ACOT11: variants seen among roughly 807,000 people sequenced by gnomAD.
The protein encoded by ACOT11 is acyl-coenzyme A thioesterase 11.
ACOT11 carries 69 observed loss-of-function variants against 77.5 expected under a neutral mutation model. The observed-to-expected ratio is 0.89, with a 90% confidence interval of 0.73 to 1.09. The LOEUF (loss-of-function observed/expected upper bound fraction) is 1.09. ACOT11 is among the 50% of genes least tolerant of loss of function. The pLI, the probability that ACOT11 is intolerant of heterozygous loss-of-function variation, is 0.00. For synonymous variants in ACOT11, 279 were observed against 313.0 expected (o/e 0.89, Z 1.15); for missense variants, 766 against 813.7 (o/e 0.94, Z 0.71).
chr1:54,562,338 C>T (rs1248129668), intron 1 of ACOT11, among the ~76,000 whole-genome samples: 50 of 96,704 alleles, frequency 5.2e-4, no homozygotes, highest in African/African-American at 2.1e-3. Flanking sequence ...ATCTCCCTCC[C>T]GGACGGGGTG....
exon 17 of ACOT11, chr1:54,638,465 C>T (rs1183589164): frequency 1.3e-5 from 2 of 152,212 alleles, no homozygotes; most frequent in Non-Finnish European, 2.9e-5. Flanking sequence ...TCAGGCAATT[C>T]TTGTGTCTCA....
intron 8 of ACOT11, 52 bp downstream of exon 8, chr1:54,599,467 C>T (rs1300347402): frequency 8.0e-6 from 12 of 1,496,134 alleles, no homozygotes; most frequent in Admixed American, 1.8e-5. Flanking sequence ...GAGGGCTCTT[C>T]CTGACCCTAG....
chr1:54,587,248 C>G (rs1013758748), intron 3 of ACOT11, among the ~76,000 whole-genome samples: 2 of 152,104 alleles, frequency 1.3e-5, no homozygotes, highest in Non-Finnish European at 2.9e-5. Context: ...GGCATGGTAG[C>G]TCACGCCTGT....
At chr1:54,614,703 G>A (rs764576047), downstream of ACOT11, 3 of 1,612,088 alleles carry the variant, frequency 1.9e-6, no homozygotes, top group Non-Finnish European at 2.5e-6. Context: ...CACTCACTGT[G>A]TGGCATTGAC....
chr1:54,625,311 G>C (rs531867528), intron 15 of ACOT11, among the ~76,000 whole-genome samples: 107 of 152,292 alleles, frequency 7.0e-4, no homozygotes, highest in Non-Finnish European at 1.3e-3. Context: ...AGGGCTGCTG[G>C]CTGGAATGGA....
chr1:54,588,771 T>C (rs1654595142), intron 3 of ACOT11, among the ~76,000 whole-genome samples: 1 of 152,034 alleles, frequency 6.6e-6, no homozygotes, highest in Admixed American at 6.5e-5. Flanking sequence ...ACATGCATGA[T>C]GGCTGGACCT....
intron 3 of ACOT11, among the ~76,000 whole-genome samples, chr1:54,592,090 C>A (rs906246126): frequency 5.3e-5 from 8 of 152,194 alleles, no homozygotes; most frequent in Admixed American, 5.2e-4. Context: ...CAATGGGGAG[C>A]AAAACCATGA....
At chr1:54,596,308 G>A (rs1479083049) in intron 6 of ACOT11, among the ~76,000 whole-genome samples, 1 of 152,034 alleles carries the variant, frequency 6.6e-6, no homozygotes, top group African/African-American at 2.4e-5. Flanking sequence ...GAGCCTGCAA[G>A]CCAAGCCAAG....
chr1:54,562,246 G>A (rs1358320037), intron 1 of ACOT11, among the ~76,000 whole-genome samples: 1 of 117,090 alleles, frequency 8.5e-6, no homozygotes, highest in Non-Finnish European at 1.7e-5. Flanking sequence ...CTCCCGGACG[G>A]GGCGGCTGGC....
At chr1:54,601,643 C>G (rs569253666) in intron 9 of ACOT11, among the ~76,000 whole-genome samples, 1 of 152,110 alleles carries the variant, frequency 6.6e-6, no homozygotes. Flanking sequence ...GGGTCTGGCT[C>G]GGAGTTGGGG....
In ACOT11 at chr1:54,607,654, A is replaced by G. The variant is rs1341446540; in HGVS notation, c.1503-288A>G. Among the ~76,000 whole-genome samples, 1 of 152,032 alleles carries G rather than the reference A, an allele frequency of 6.6e-6. No homozygotes were observed. The highest frequency in any genetic ancestry group is 2.4e-5 in the African/African-American group (1 of 41,376). ...GAGACAGGGACAGAAAAAAAATCCC[A>G]AAGCCCACGAGTCTTCCCCTGAGCG... is the stretch of plus-strand genomic sequence containing the variant. On this transcript the variant is annotated intron_variant, in intron 14 of 15. Transcript: ENST00000343744. This position sits in a 1 kb window ranked among gnomAD's most constrained non-coding sequence, Gnocchi z 4.5.
chr1:54,595,417 G>A (rs75453456), intron 6 of ACOT11, among the ~76,000 whole-genome samples: 7,255 of 152,146 alleles, frequency 0.048, 293 homozygotes, highest in East Asian at 0.17. Context: ...ATGTGTATGT[G>A]TGTGTATATA....
chr1:54,614,756 G>C, downstream of ACOT11: 1 of 1,614,102 alleles, frequency 6.2e-7, no homozygotes, highest in Middle Eastern at 1.6e-4. Context: ...AGATGTCAGC[G>C]TTGATCCATA....
intron 1 of ACOT11, among the ~76,000 whole-genome samples, chr1:54,571,689 G>A (rs1035206793): frequency 4.6e-5 from 7 of 152,206 alleles, no homozygotes; most frequent in Non-Finnish European, 8.8e-5. Context: ...CTCCGCTCAG[G>A]AATGTTTTCT....
chr1:54,592,987 T>G (rs1390705720), intron 4 of ACOT11, among the ~76,000 whole-genome samples: 2 of 152,190 alleles, frequency 1.3e-5, no homozygotes, highest in Admixed American at 1.3e-4. Context: ...GGGAGAGTGC[T>G]GGGTTTCCAG....
At chr1:54,634,419 G>T (rs1046422481) in intron 16 of ACOT11, among the ~76,000 whole-genome samples, 5 of 152,160 alleles carry the variant, frequency 3.3e-5, no homozygotes, top group Non-Finnish European at 7.4e-5. Context: ...CGGTAATTGA[G>T]GTATTGACTG....
At chr1:54,601,948 C>T (rs1004949805) in intron 9 of ACOT11, among the ~76,000 whole-genome samples, 1 of 152,254 alleles carries the variant, frequency 6.6e-6, no homozygotes, top group Non-Finnish European at 1.5e-5. Context: ...ACAAAATGCT[C>T]CCTGTGCCTC....
rs962583783 is a variant in ACOT11 at position 54,595,080 on chromosome 1, C to T, written c.607+389C>T. Among the ~76,000 whole-genome samples the T allele has an allele frequency of 2.0e-5, 3 of 152,294 alleles. No individual in the cohort carries two copies. In the South Asian group the frequency reaches 6.2e-4, roughly 32 times the overall value. On this transcript the variant is annotated intron_variant, in intron 6 of 15. Transcript: ENST00000343744. ...AGCATATATAGGCCGGGCGTGGTGG[C>T]TCATGCTTGTAATCCCAGCACTTTG...
At chr1:54,616,317 GTTTCACATTTCGATGATTTTT>G in intron 15 of ACOT11, 1 of 744,460 alleles carries the variant, frequency 1.3e-6, no homozygotes, top group South Asian at 1.9e-5. Flanking sequence ...TTCCATCATA[GTTTCACATTTCGATGATTTTT>G]TTTCTTCCAT....
Sources: allele counts gnomAD v4.1 joint callset (sites outside exome capture counted in the v4.1 genomes callset), GRCh38; gene constraint gnomAD v4.1.1; non-coding constraint Gnocchi (gnomAD v3.1); transcripts MANE v1.5; gene names NCBI Gene and HGNC (gene_info 2026-07-23, HGNC 2026-07-21).